The following CCDC178 variants were observed in gnomAD, a reference collection of about 807,000 sequenced individuals.
CCDC178 encodes the protein coiled-coil domain-containing protein 178.
In CCDC178, 126 loss-of-function variants were observed where a neutral mutation model predicts 117.4. The ratio of observed to expected loss-of-function variants is 1.07; its 90% CI spans 0.93 to 1.24. CCDC178 has a LOEUF of 1.24. Among genes scored for constraint, CCDC178 ranks in the 50% most tolerant of loss-of-function variants. CCDC178 has a pLI of 0.00. For synonymous variants in CCDC178, 283 were observed against 313.4 expected (o/e 0.90, Z 1.02); for missense variants, 1,030 against 986.9 (o/e 1.04, Z -0.59).
chr18:33,289,790 A>C (rs954891375), intron 12 of CCDC178, among the ~76,000 whole-genome samples: 3 of 152,172 alleles, frequency 2.0e-5, no homozygotes, highest in African/African-American at 7.2e-5. Flanking sequence ...AAAATTAGTA[A>C]ATAAGATATG....
chr18:33,021,598 C>G (rs1254326918), intron 21 of CCDC178, among the ~76,000 whole-genome samples: 1 of 152,134 alleles, frequency 6.6e-6, no homozygotes, highest in Non-Finnish European at 1.5e-5. Flanking sequence ...TGGTCTGTGA[C>G]AAAAGTATCA....
intron 11 of CCDC178, among the ~76,000 whole-genome samples, chr18:33,295,483 C>T (rs1299242972): frequency 2.6e-5 from 4 of 151,944 alleles, no homozygotes; most frequent in Admixed American, 2.0e-4. Flanking sequence ...TTGTAAAACA[C>T]CCTCAAAGAC....
chr18:33,120,376 T>C (rs1164623580), intron 20 of CCDC178, among the ~76,000 whole-genome samples: 3 of 152,088 alleles, frequency 2.0e-5, no homozygotes, highest in Admixed American at 6.6e-5. Context: ...CTTGCAATTA[T>C]ACAAGGTGGG....
At position 33,226,812 on chromosome 18, in the gene CCDC178, G is replaced by A; in HGVS notation, c.1637C>T (p.Ala546Val). The A allele has an allele frequency of 6.3e-7, 1 of 1,593,108 alleles. No individual in the cohort carries two copies. The highest frequency in any genetic ancestry group is 8.6e-7 in the Non-Finnish European group (1 of 1,167,668). ...TATTACCTGAAGCACCATTCCAGCA[G>A]CCACTTCACCTTGAGTGAGTTTTTT... ...FLKKLTQGEV[A>V]AGMVLQKKLY... is the part of the protein sequence containing the mutation. Residue 546 changes from alanine to valine, a missense_variant, in exon 16 of 23, where the codon GCT (alanine) becomes GTT (valine). Transcript: ENST00000383096.
intron 21 of CCDC178, among the ~76,000 whole-genome samples, chr18:33,012,263 T>C (rs937585614): frequency 4.6e-5 from 7 of 152,220 alleles, no homozygotes; most frequent in African/African-American, 1.7e-4. Flanking sequence ...ATGCCAGCAT[T>C]GAAGAAGTGA....
chr18:33,233,235 A>C (rs1406759852), intron 15 of CCDC178, among the ~76,000 whole-genome samples: 1 of 152,172 alleles, frequency 6.6e-6, no homozygotes, highest in East Asian at 1.9e-4. Context: ...ACAGATTATG[A>C]ATGTTAGGTT....
intron 3 of CCDC178, among the ~76,000 whole-genome samples, chr18:33,400,035 G>A (rs552367896): frequency 8.6e-5 from 13 of 151,492 alleles, no homozygotes; most frequent in Non-Finnish European, 1.8e-4. Context: ...TAATCTACTC[G>A]TACATCTCCA....
chr18:33,426,629 T>C (rs926528306), intron 2 of CCDC178, among the ~76,000 whole-genome samples: 1 of 152,230 alleles, frequency 6.6e-6, no homozygotes, highest in Non-Finnish European at 1.5e-5. Context: ...CTAACTAATA[T>C]AAAGTTTCCT....
At chr18:33,031,726 T>C in intron 21 of CCDC178, among the ~76,000 whole-genome samples, 1 of 152,100 alleles carries the variant, frequency 6.6e-6, no homozygotes. Flanking sequence ...ATTCAAGTCC[T>C]AGACATATAT....
At chr18:32,988,667 C>CAT (rs142864382) in intron 21 of CCDC178, among the ~76,000 whole-genome samples, 1 of 151,328 alleles carries the variant, frequency 6.6e-6, no homozygotes, top group South Asian at 2.1e-4. Context: ...AAATGGAAAC[C>CAT]ATATATATAT....
chr18:33,126,981 T>A (rs918874434), intron 20 of CCDC178, among the ~76,000 whole-genome samples: 2 of 140,790 alleles, frequency 1.4e-5, no homozygotes, highest in Non-Finnish European at 1.5e-5. Context: ...TTATCTGCAT[T>A]TGGTTAAAAA....
intron 21 of CCDC178, among the ~76,000 whole-genome samples, chr18:33,077,463 A>T (rs1275157771): frequency 6.6e-6 from 1 of 152,158 alleles, no homozygotes; most frequent in African/African-American, 2.4e-5. Context: ...ATCCAATATG[A>T]CTGATATCTT....
At position 33,434,846 on chromosome 18, in the gene CCDC178, G is replaced by A. The variant is rs562265802; in HGVS notation, c.-23+5116C>T. On this transcript the variant is annotated intron_variant, in intron 2 of 22. Coordinates refer to ENST00000383096, the MANE Select transcript of CCDC178 (RefSeq NM_001105528.4). ...GCTACTTCAGAATCTAGATGTAGGA[G>A]AAGGAAGAGGGAAAAAATATTTAAA... Among the ~76,000 whole-genome samples the A allele has an allele frequency of 2.6e-3, 390 of 151,810 alleles. 1 individual carries two copies. Among genetic ancestry groups the A allele is most frequent in the African/African-American group, 8.9e-3 (367 of 41,438 alleles).
At chr18:33,052,860 A>AT (rs1359589366) in intron 21 of CCDC178, among the ~76,000 whole-genome samples, 1 of 152,108 alleles carries the variant, frequency 6.6e-6, no homozygotes, top group Non-Finnish European at 1.5e-5. Context: ...GGTAATGCTG[A>AT]TAAGTTTGAA....
intron 20 of CCDC178, among the ~76,000 whole-genome samples, chr18:33,130,725 A>G (rs1180518544): frequency 6.6e-6 from 1 of 151,942 alleles, no homozygotes; most frequent in Non-Finnish European, 1.5e-5. Flanking sequence ...TGTCTCTGAT[A>G]TGTTCTACTA....
At chr18:33,313,588 G>A (rs531306679) in intron 11 of CCDC178, among the ~76,000 whole-genome samples, 17 of 152,158 alleles carry the variant, frequency 1.1e-4, no homozygotes, top group African/African-American at 3.9e-4. Context: ...TAACACTCTG[G>A]CCAGGAAGTC....
Position 33,096,123 on chromosome 18 carries a change from C to G in CCDC178, c.2239-3213G>C, listed in dbSNP as rs145171403. 2.1e-3 allele frequency among the ~76,000 whole-genome samples: 310 copies of G among 150,750 alleles called. 3 individuals are homozygous for G. Among genetic ancestry groups the G allele is most frequent in the Middle Eastern group, 3.4e-3 (1 of 290 alleles). On this transcript the variant is annotated intron_variant, in intron 20 of 22. Coordinates refer to ENST00000383096, the MANE Select transcript of CCDC178 (RefSeq NM_001105528.4). ...ATAGTAGTTCTACTCCCCACCCCCC[C>G]CACTTGACTTTTCTTGTTCTTTAAG...
chr18:33,360,274 A>G (rs1355488406), intron 6 of CCDC178, among the ~76,000 whole-genome samples: 1 of 150,230 alleles, frequency 6.7e-6, no homozygotes, highest in Non-Finnish European at 1.5e-5. Flanking sequence ...TCCTTATATA[A>G]TATATAATTA....
At chr18:33,049,427 T>C (rs531735467) in intron 21 of CCDC178, among the ~76,000 whole-genome samples, 3 of 152,258 alleles carry the variant, frequency 2.0e-5, no homozygotes, top group Admixed American at 6.5e-5. Flanking sequence ...TATAATTATG[T>C]ACTCCCATAT....
Sources: gnomAD v4.1 joint callset for allele counts (sites outside exome capture counted in the v4.1 genomes callset) on GRCh38, gnomAD v4.1.1 for gene constraint, MANE v1.5 for transcripts, NCBI Gene and HGNC (gene_info 2026-07-23, HGNC 2026-07-21) for gene names.